Variants in PPP6R3 observed in about 807,000 individuals in gnomAD.
PPP6R3 encodes protein phosphatase 6 regulatory subunit 3, also known as serine/threonine-protein phosphatase 6 regulatory subunit 3.
In PPP6R3, 38 loss-of-function variants were observed where a neutral mutation model predicts 110.7. The observed-to-expected ratio is 0.34, with a 90% CI of 0.26 to 0.45. The LOEUF is 0.45. PPP6R3 is among the 20% of genes least tolerant of loss of function. The probability of loss-of-function intolerance (pLI) is 1.00; values close to 1 mark genes in which losing one functional copy is unlikely to be tolerated. For synonymous variants in PPP6R3, 369 were observed against 373.5 expected, an observed-to-expected ratio of 0.99 and a Z score of 0.14; for missense variants, 870 against 1,062.4, an observed-to-expected ratio of 0.82 and a Z score of 2.52.
intron 18 of PPP6R3, among the ~76,000 whole-genome samples, chr11:68,595,200 A>ATT (rs71043443): frequency 0.019 from 1,557 of 80,930 alleles, 75 homozygotes; most frequent in Non-Finnish European, 0.031. Flanking sequence ...CATAAAAATA[A>ATT]TTTTTTTTTT....
At chr11:68,608,385 G>A (rs938996083) in intron 22 of PPP6R3, among the ~76,000 whole-genome samples, 3 of 152,202 alleles carry the variant, frequency 2.0e-5, no homozygotes, top group African/African-American at 4.8e-5. Context: ...CTTCTTACAC[G>A]AGCAGCAGTT....
At chr11:68,497,544 G>A (rs879448119) in intron 1 of PPP6R3, among the ~76,000 whole-genome samples, 5 of 150,706 alleles carry the variant, frequency 3.3e-5, no homozygotes, top group Non-Finnish European at 4.4e-5. Context: ...TTGTAGAAAC[G>A]GGGATTTACC....
At position 68,569,883 on chromosome 11, in the gene PPP6R3, T is replaced by C; in HGVS notation, c.1264T>C (p.Leu422=). ...CGATCAAGACTCCACTGGTGATAAT[T>C]TGTTATTAAAACATGTAAGCTTATT... The part of the protein sequence containing the change: ...ITDQDSTGDN[L]LLKHLFQKCQ... The change falls in exon 11 of 24, where the codon TTG becomes CTG. Residue 422 remains leucine, a synonymous_variant. Transcript: ENST00000393800. 6.2e-7 allele frequency: 1 copy of C among 1,609,026 alleles called. No homozygotes were observed. The highest frequency in any genetic ancestry group is 8.5e-7 in the Non-Finnish European group (1 of 1,176,828).
chr11:68,494,132 G>T (rs202213775), intron 1 of PPP6R3, among the ~76,000 whole-genome samples: 1 of 147,716 alleles, frequency 6.8e-6, no homozygotes, highest in African/African-American at 2.5e-5. Context: ...AAATAAAAAA[G>T]ATAATTAGAT....
chr11:68,551,272 T>G, intron 6 of PPP6R3, 86 bp downstream of exon 6: 1 of 999,122 alleles, frequency 1.0e-6, no homozygotes, highest in Non-Finnish European at 1.5e-6. Flanking sequence ...TTATATTAAA[T>G]GTGAACATGA....
intron 18 of PPP6R3, among the ~76,000 whole-genome samples, chr11:68,592,540 G>C (rs2099598766): frequency 6.6e-6 from 1 of 152,210 alleles, no homozygotes; most frequent in South Asian, 2.1e-4. Context: ...TGTTGCCACA[G>C]GTTATAGCAG....
At chr11:68,476,273 C>T (rs944627019) in intron 1 of PPP6R3, among the ~76,000 whole-genome samples, 7 of 152,138 alleles carry the variant, frequency 4.6e-5, no homozygotes, top group African/African-American at 1.4e-4. Context: ...CCAGCCCGGC[C>T]AACACAGCGA....
At chr11:68,573,974 CT>C (rs1418860878) in intron 12 of PPP6R3, 134 bp from the exon 13 acceptor site, 1 of 594,018 alleles carries the variant, frequency 1.7e-6, no homozygotes, top group African/African-American at 1.9e-5. Context: ...TTTTTCTTTT[CT>C]TTTCTGTCCA....
intron 14 of PPP6R3, among the ~76,000 whole-genome samples, chr11:68,579,780 T>C (rs756475371): frequency 9.2e-5 from 14 of 152,230 alleles, no homozygotes; most frequent in South Asian, 4.1e-4. Flanking sequence ...TATTTGTAGA[T>C]ACACAAATAC....
intron 1 of PPP6R3, among the ~76,000 whole-genome samples, chr11:68,479,298 C>G (rs899873652): frequency 6.6e-6 from 1 of 152,086 alleles, no homozygotes; most frequent in Admixed American, 6.6e-5. Flanking sequence ...GGTCTTTTTC[C>G]CCTTGGAGAC....
intron 1 of PPP6R3, among the ~76,000 whole-genome samples, chr11:68,486,751 GTTA>G (rs1275328187): frequency 1.3e-5 from 2 of 151,956 alleles, no homozygotes; most frequent in Non-Finnish European, 2.9e-5. Flanking sequence ...ATTTTAGAAG[GTTA>G]TTATTCAAAT....
intron 1 of PPP6R3, among the ~76,000 whole-genome samples, chr11:68,516,683 T>A (rs2099138798): frequency 6.6e-6 from 1 of 152,198 alleles, no homozygotes; most frequent in African/African-American, 2.4e-5. Flanking sequence ...TTCAAGACCC[T>A]GCCTTCAGTT....
chr11:68,477,279 C>A (rs2098839203), intron 1 of PPP6R3, among the ~76,000 whole-genome samples: 1 of 151,922 alleles, frequency 6.6e-6, no homozygotes, highest in South Asian at 2.1e-4. Context: ...CACCGGATGT[C>A]CCTGACTTGC....
At chr11:68,573,153 T>TATATATATATATATATATATATATAA (rs1468107550) in intron 12 of PPP6R3, among the ~76,000 whole-genome samples, 1 of 103,604 alleles carries the variant, frequency 9.7e-6, no homozygotes, top group African/African-American at 3.8e-5. Context: ...TATATATATA[T>TATATATATATATATATATATATATAA]AATTTTTTTT....
At chr11:68,537,924 A>G in intron 3 of PPP6R3, 33 bp downstream of exon 3, 1 of 1,495,740 alleles carries the variant, frequency 6.7e-7, no homozygotes. Context: ...GTAGAGTGGG[A>G]CTAAAGTGAA....
rs545414295 is a variant in PPP6R3 at position 68,481,404 on chromosome 11, C to A, written c.-158+20577C>A. 3.9e-4 allele frequency among the ~76,000 whole-genome samples: 60 copies of A among 152,308 alleles called. 1 individual carries two copies. The highest frequency in any genetic ancestry group is 1.2e-3 in the African/African-American group (49 of 41,568). On this transcript the variant is annotated intron_variant, in intron 1 of 23. Transcript: ENST00000393800. Reference sequence around the variant, plus strand: ...CCAGAAGCATAGGGTTAAGAACTAACTGCCTTGAATACGATCTTAGTGATT... The same window carrying A: ...CCAGAAGCATAGGGTTAAGAACTAAATGCCTTGAATACGATCTTAGTGATT...
chr11:68,576,195 A>T (rs966232077), intron 14 of PPP6R3, 152 bp downstream of exon 14: 10 of 580,484 alleles, frequency 1.7e-5, no homozygotes, highest in Non-Finnish European at 2.6e-5. Context: ...GTCAGTATTC[A>T]CAATATTCTT....
chr11:68,546,272 G>A (rs959324635), intron 4 of PPP6R3, among the ~76,000 whole-genome samples: 11 of 152,128 alleles, frequency 7.2e-5, no homozygotes, highest in Non-Finnish European at 1.3e-4. Context: ...TAGGAGAGTG[G>A]AAGCCATCCT....
rs1162599049 is a variant in PPP6R3 at position 68,574,269 on chromosome 11, G to T, written c.1459+45G>T. ...TGAATTACATTTTTGTTGGGTTGCA[G>T]GAAGGATTTAAGGGTCAAGTAGAAA... On this transcript the variant is annotated intron_variant, in intron 13 of 23. Transcript: ENST00000393800. The T allele has an allele frequency of 2.0e-6, 3 of 1,515,434 alleles. No homozygotes were observed. The African/African-American group carries it at 4.1e-5, about 21-fold the overall frequency. The allele number at this position is 1,515,434 out of a possible 1,614,324, so 93.9% of individuals were successfully genotyped here. A position where few individuals can be genotyped will look rare whatever the true frequency, so the allele number is the denominator to read the frequency against.
Sources: allele counts gnomAD v4.1 joint callset (sites outside exome capture counted in the v4.1 genomes callset), GRCh38; gene constraint gnomAD v4.1.1; transcripts MANE v1.5; gene names NCBI Gene and HGNC (gene_info 2026-07-23, HGNC 2026-07-21).